The following MTMR12 variants were observed in gnomAD, a reference collection of about 807,000 sequenced individuals.
MTMR12 encodes myotubularin-related protein 12.
In MTMR12, 33 loss-of-function variants were observed where a neutral mutation model predicts 96.7. That is an observed-to-expected ratio of 0.34 (90% CI 0.26 to 0.46). MTMR12 has a LOEUF of 0.46. MTMR12 is among the 20% of genes least tolerant of loss of function. The probability of loss-of-function intolerance (pLI) is 1.00; values close to 1 mark genes in which losing one functional copy is unlikely to be tolerated. For synonymous variants in MTMR12, 298 were observed against 327.2 expected (o/e 0.91, Z 0.96); for missense variants, 721 against 896.1 (o/e 0.80, Z 2.49).
chr5:32,308,431 T>G (rs1034537396), intron 1 of MTMR12, among the ~76,000 whole-genome samples: 24 of 151,970 alleles, frequency 1.6e-4, no homozygotes, highest in African/African-American at 5.6e-4. Context: ...CAGAAGAGTG[T>G]CCTGAGGAAC....
rs1281694493 is a variant in MTMR12, at chr5:32,312,272, C to T, written c.81+486G>A. Among the ~76,000 whole-genome samples, 1 of 152,200 alleles carries T rather than the reference C, an allele frequency of 6.6e-6. No homozygotes were observed. Among genetic ancestry groups the T allele is most frequent in the Non-Finnish European group, 1.5e-5 (1 of 68,036 alleles). The stretch of plus-strand genomic sequence containing the variant: ...CCCCGCAGCGCTGACGGGAGGCGGA[C>T]GTAGGTGCAGGGCATCCCGCCAGCC... On this transcript the variant is annotated intron_variant, in intron 1 of 15. Coordinates refer to ENST00000382142, the MANE Select transcript of MTMR12 (RefSeq NM_001040446.3). This position sits in a 1 kb window ranked among gnomAD's most constrained non-coding sequence, Gnocchi z 5.0.
chr5:32,272,842 T>C (rs558737003), intron 3 of MTMR12, among the ~76,000 whole-genome samples: 1 of 152,226 alleles, frequency 6.6e-6, no homozygotes, highest in East Asian at 1.9e-4. Flanking sequence ...GAACAAGAGA[T>C]TCAAGTTTCT....
intron 13 of MTMR12, 42 bp from the exon 14 acceptor site, chr5:32,235,171 G>T: frequency 1.9e-6 from 3 of 1,573,524 alleles, no homozygotes; most frequent in Non-Finnish European, 2.6e-6. Context: ...GCAGAGCCCA[G>T]AGCAAGCCAT....
intron 1 of MTMR12, among the ~76,000 whole-genome samples, chr5:32,303,814 A>G (rs997735118): frequency 4.2e-5 from 6 of 143,418 alleles, no homozygotes; most frequent in Non-Finnish European, 7.6e-5. Flanking sequence ...TCTCTTGTCA[A>G]TGGCTACAAA....
In MTMR12 at chr5:32,235,018, T is replaced by TATTTGTCAGATAGCTAA; in HGVS notation, c.1455_1456insTTAGCTATCTGACAAAT (p.Ile486LeufsTer4). On this transcript the variant is annotated stop_gained and frameshift_variant, in exon 14 of 16. Transcript: ENST00000382142. LOFTEE classifies it high-confidence loss of function. ...AAGAAGAAGGTGCTAAAAATAGGTA[T>TATTTGTCAGATAGCTAA]ATACAGGCTATCTGACAAAACAGTC... The TATTTGTCAGATAGCTAA allele has an allele frequency of 5.6e-6, 9 of 1,613,974 alleles. No homozygotes were observed. The highest frequency in any genetic ancestry group is 6.8e-6 in the Non-Finnish European group (8 of 1,179,824).
chr5:32,298,763 A>G (rs1351806340), intron 1 of MTMR12, among the ~76,000 whole-genome samples: 30 of 151,784 alleles, frequency 2.0e-4, no homozygotes, highest in Non-Finnish European at 1.5e-5. Context: ...CCTGGCTAAC[A>G]CAGTGAAACC....
At chr5:32,268,111 A>G (rs1749679352) in intron 6 of MTMR12, among the ~76,000 whole-genome samples, 1 of 151,930 alleles carries the variant, frequency 6.6e-6, no homozygotes, top group African/African-American at 2.4e-5. Context: ...GATCACAGGC[A>G]TGAGCAACTG....
Position 32,229,614 on chromosome 5 carries a change from C to G in MTMR12, c.*164G>C. ...TTTTAATTGCATAGTCTTTTAGAAT[C>G]ATGAAAAATAATGAGAGCCACCTCT... On this transcript the variant is annotated 3_prime_UTR_variant, in exon 16 of 16. Transcript: ENST00000382142. The G allele has an allele frequency of 1.9e-6, 1 of 537,668 alleles. No homozygotes were observed. The highest frequency in any genetic ancestry group is 3.0e-6 in the Non-Finnish European group (1 of 330,174). The allele number at this position is 537,668 out of a possible 1,614,324, so 33.3% of individuals were successfully genotyped here.
chr5:32,294,814 A>G (rs1343693110), intron 1 of MTMR12, among the ~76,000 whole-genome samples: 1 of 152,226 alleles, frequency 6.6e-6, no homozygotes, highest in Non-Finnish European at 1.5e-5. Context: ...CTTGATCCGG[A>G]TAATATTCTT....
chr5:32,249,080 A>G (rs1229834977), intron 8 of MTMR12, among the ~76,000 whole-genome samples: 1 of 152,246 alleles, frequency 6.6e-6, no homozygotes, highest in African/African-American at 2.4e-5. Flanking sequence ...AGGTCTAGGT[A>G]GTCAGACACA....
chr5:32,290,594 GCCCATTTATTGAGTGA>G (rs1333358101), intron 1 of MTMR12, among the ~76,000 whole-genome samples: 4 of 152,184 alleles, frequency 2.6e-5, no homozygotes, highest in African/African-American at 9.7e-5. Context: ...TGTTACTCCA[GCCCATTTATTGAGTGA>G]CCCATTTATT....
chr5:32,253,149 G>C (rs1242922401), intron 8 of MTMR12, among the ~76,000 whole-genome samples: 2 of 152,118 alleles, frequency 1.3e-5, no homozygotes, highest in Non-Finnish European at 2.9e-5. Flanking sequence ...GGTGCTACTG[G>C]CACCTCAGAA....
At position 32,258,965 on chromosome 5, in the gene MTMR12, G is replaced by A. The variant is rs1039644545; in HGVS notation, c.714-3197C>T. ...ATTGGCAAATATCCCATCCATCACC[G>A]AGCAGAGAAGGCTGTACAGAGACGA... is the stretch of plus-strand genomic sequence containing the variant. On this transcript the variant is annotated intron_variant, in intron 7 of 15. Coordinates refer to ENST00000382142, the MANE Select transcript of MTMR12 (RefSeq NM_001040446.3). Among the ~76,000 whole-genome samples the A allele has an allele frequency of 2.7e-5, 4 of 148,916 alleles. 1 individual carries two copies. Among genetic ancestry groups the A allele is most frequent in the South Asian group, 4.2e-4 (2 of 4,714 alleles).
intron 3 of MTMR12, among the ~76,000 whole-genome samples, chr5:32,273,669 G>T (rs1749931997): frequency 1.3e-5 from 2 of 152,026 alleles, no homozygotes; most frequent in African/African-American, 4.8e-5. Context: ...AGGAGACCCT[G>T]AACGACAGAG....
intron 1 of MTMR12, among the ~76,000 whole-genome samples, chr5:32,300,191 T>C (rs894681732): frequency 3.3e-5 from 5 of 152,210 alleles, no homozygotes; most frequent in African/African-American, 9.6e-5. Context: ...AAATAACAAA[T>C]CTTCCAGTTC....
chr5:32,229,878 G>C lies in MTMR12; in HGVS notation c.2144C>G (p.Ser715Cys). 1 of 1,612,066 alleles carries C rather than the reference G, an allele frequency of 6.2e-7. No homozygotes were observed. The highest frequency in any genetic ancestry group is 1.1e-5 in the South Asian group (1 of 90,796). Residue 715 changes from serine to cysteine, a missense_variant, in exon 16 of 16, where the codon TCC becomes TGC. Transcript: ENST00000382142. ...ACTGGTGGGTAAGACGGGCTTAGAGGAATGTCGCTGGAGCAGAGCGAAAGG... is the reference window on the plus strand; with the variant it reads ...ACTGGTGGGTAAGACGGGCTTAGAGCAATGTCGCTGGAGCAGAGCGAAAGG... ...LFPFALLQRH[S>C]SKPVLPTSGW...
At chr5:32,311,452 G>C (rs1751592769) in intron 1 of MTMR12, among the ~76,000 whole-genome samples, 1 of 152,156 alleles carries the variant, frequency 6.6e-6, no homozygotes, top group Admixed American at 6.5e-5. Flanking sequence ...AATGCCTCAG[G>C]CCCCAGGTGG....
At chr5:32,292,694 A>AG in intron 1 of MTMR12, among the ~76,000 whole-genome samples, 2 of 152,380 alleles carry the variant, frequency 1.3e-5, no homozygotes, top group East Asian at 1.9e-4. Context: ...ACAACAGCCC[A>AG]GTCCAGGCAG....
chr5:32,268,738 A>C lies in MTMR12; in HGVS notation c.546T>G (p.Phe182Leu). The part of the protein sequence containing the change: ...TQAPKLLKRL[F>L]LFSYATAAQN... The stretch of plus-strand genomic sequence containing the variant: ...GTGCAGCAGTCGCATAGGAAAACAG[A>C]AATAATCGTTTAAGCAGTTTAGGAG... The change falls in exon 6 of 16, where the codon TTT becomes TTG. Residue 182 changes from phenylalanine to leucine, a missense_variant. By Grantham distance (22) the Phe-to-Leu change is conservative. Coordinates refer to ENST00000382142, the MANE Select transcript of MTMR12 (RefSeq NM_001040446.3). 1 of 1,614,064 alleles carries C rather than the reference A, an allele frequency of 6.2e-7. No individual in the cohort carries two copies. The highest frequency in any genetic ancestry group is 8.5e-7 in the Non-Finnish European group (1 of 1,179,926).
Sources: allele counts gnomAD v4.1 joint callset (sites outside exome capture counted in the v4.1 genomes callset), GRCh38; gene constraint gnomAD v4.1.1; non-coding constraint Gnocchi (gnomAD v3.1); transcripts MANE v1.5; gene names NCBI Gene and HGNC (gene_info 2026-07-23, HGNC 2026-07-21).